The following ZNF66 variants were observed in gnomAD, a reference collection of about 807,000 sequenced individuals.
The protein encoded by ZNF66 is putative zinc finger protein 66.
A neutral mutation model predicts 35.2 loss-of-function variants in ZNF66; 32 were observed. The observed-to-expected ratio is 0.91, with a 90% confidence interval of 0.69 to 1.22. ZNF66 has a LOEUF of 1.22. ZNF66 is among the 50% of genes most tolerant of loss of function. The pLI, the probability that ZNF66 is intolerant of heterozygous loss-of-function variation, is 0.00. For synonymous variants in ZNF66, 231 were observed against 181.3 expected (o/e 1.27, Z -2.20); for missense variants, 666 against 543.1 (o/e 1.23, Z -2.25).
intron 2 of ZNF66, among the ~76,000 whole-genome samples, chr19:20,793,450 G>A (rs1286937414): frequency 6.7e-6 from 1 of 149,736 alleles, no homozygotes; most frequent in Non-Finnish European, 1.5e-5. Flanking sequence ...AGCCTCCCGA[G>A]TATGTGGGAC....
intron 1 of ZNF66, 112 bp downstream of exon 1, chr19:20,776,562 GC>G: frequency 1.5e-6 from 2 of 1,357,898 alleles, no homozygotes; most frequent in Non-Finnish European, 2.1e-6. Context: ...ACCCAGCTCT[GC>G]CTCAGTCCCA....
chr19:20,787,319 C>CT (rs200883255), intron 1 of ZNF66, among the ~76,000 whole-genome samples: 9 of 151,984 alleles, frequency 5.9e-5, no homozygotes, highest in Non-Finnish European at 1.5e-5. Flanking sequence ...TTGTGTCAGC[C>CT]TTTTTTAATA....
intron 1 of ZNF66, among the ~76,000 whole-genome samples, chr19:20,780,973 G>A (rs1971240480): frequency 6.6e-6 from 1 of 152,080 alleles, no homozygotes; most frequent in Admixed American, 6.6e-5. Flanking sequence ...CTTCACCACA[G>A]CATTTTTGAC....
chr19:20,796,223 C>T (rs561378869), intron 3 of ZNF66, among the ~76,000 whole-genome samples: 10,325 of 141,602 alleles, frequency 0.073, 438 homozygotes, highest in Middle Eastern at 0.11. Context: ...AGATGGCTGA[C>T]TTTTTTTTTT....
intron 3 of ZNF66, among the ~76,000 whole-genome samples, chr19:20,798,216 AT>A (rs945189168): frequency 3.9e-5 from 6 of 151,970 alleles, no homozygotes; most frequent in African/African-American, 7.3e-5. Context: ...TTTCAAAAAA[AT>A]ATGTAATTTT....
At chr19:20,796,595 A>G (rs891978302) in intron 3 of ZNF66, among the ~76,000 whole-genome samples, 1 of 152,188 alleles carries the variant, frequency 6.6e-6, no homozygotes, top group African/African-American at 2.4e-5. Context: ...TTTAAATTTA[A>G]CAATGTAAGG....
At chr19:20,789,231 A>G (rs1217212036) in intron 1 of ZNF66, among the ~76,000 whole-genome samples, 4 of 152,178 alleles carry the variant, frequency 2.6e-5, no homozygotes, top group African/African-American at 2.4e-5. Flanking sequence ...CTGCAGTGGC[A>G]TAGAGGGAAG....
At position 20,797,408 on chromosome 19, in the gene ZNF66, G is replaced by A. The variant is rs1168072744; in HGVS notation, c.226+3530G>A. Among the ~76,000 whole-genome samples the A allele has an allele frequency of 1.3e-4, 16 of 125,792 alleles. 1 individual carries two copies. The highest frequency in any genetic ancestry group is 8.2e-4 in the East Asian group (4 of 4,870). 82.5% of individuals were successfully genotyped at this position (125,792 alleles called of 152,430 possible). ...TTTTTAGTAGAGACGGGGTTTCACC[G>A]TGTTAGCCAGGATGGTCTCGATCTC... On this transcript the variant is annotated intron_variant, in intron 3 of 3. Coordinates refer to ENST00000344519, the MANE Select transcript of ZNF66 (RefSeq NM_001355197.2).
rs1971570041 is a variant in ZNF66 at position 20,809,734 on chromosome 19, A to T, written c.*2412A>T. ...CCAGCCGCTGCAAAATCATGCCAAAATGTAAAGACCATCGAGACTAGGAAG... is the reference window on the plus strand; with the variant it reads ...CCAGCCGCTGCAAAATCATGCCAAATTGTAAAGACCATCGAGACTAGGAAG... On this transcript the variant is annotated 3_prime_UTR_variant, in exon 4 of 4. Coordinates refer to ENST00000344519, the MANE Select transcript of ZNF66 (RefSeq NM_001355197.2). Among the ~76,000 whole-genome samples, 2 of 152,164 alleles carry T rather than the reference A, an allele frequency of 1.3e-5. No homozygotes were observed. Among genetic ancestry groups the T allele is most frequent in the African/African-American group, 4.8e-5 (2 of 41,456 alleles).
intron 1 of ZNF66, among the ~76,000 whole-genome samples, chr19:20,783,025 G>C (rs949841569): frequency 6.6e-6 from 1 of 152,018 alleles, no homozygotes; most frequent in African/African-American, 2.4e-5. Context: ...GTTGATTTTT[G>C]TATATGGTGT....
intron 1 of ZNF66, among the ~76,000 whole-genome samples, chr19:20,776,840 C>T (rs73543372): frequency 0.013 from 2,016 of 152,162 alleles, 42 homozygotes; most frequent in African/African-American, 0.046. Context: ...TGGGGCCGGG[C>T]GCGGTCGTTC....
At chr19:20,781,513 C>CT (rs113379208) in intron 1 of ZNF66, among the ~76,000 whole-genome samples, 14,083 of 145,594 alleles carry the variant, frequency 0.097, 698 homozygotes, top group Middle Eastern at 0.12. Context: ...ATTATTTTAT[C>CT]TTTTTTTTTT....
At chr19:20,805,126 T>TGTGAGAGAGAGAGAGA (rs752355466) in intron 3 of ZNF66, among the ~76,000 whole-genome samples, 16 of 146,082 alleles carry the variant, frequency 1.1e-4, no homozygotes, top group South Asian at 2.2e-4. Flanking sequence ...TGTGTGTGTG[T>TGTGAGAGAGAGAGAGA]GAGAGAGAGA....
In ZNF66 at chr19:20,806,362, GA is replaced by G; in HGVS notation, c.765del (p.Lys255AsnfsTer51). 2 of 1,569,950 alleles carry G rather than the reference GA, an allele frequency of 1.3e-6. No individual in the cohort carries two copies. The highest frequency in any genetic ancestry group is 1.1e-5 in the South Asian group (1 of 90,092). ...CACATAAGAAAATTCATACTGGAGAGAAACCCTACAAATGTGAAGAATGTGG... is the reference window on the plus strand; with the variant it reads ...CACATAAGAAAATTCATACTGGAGAGAACCCTACAAATGTGAAGAATGTGG... ...TTHKKIHTGE[K>X]PYKCEECGKA... is the part of the protein sequence containing the mutation. On this transcript the variant is annotated frameshift_variant, in exon 4 of 4. Coordinates refer to ENST00000344519, the MANE Select transcript of ZNF66 (RefSeq NM_001355197.2). LOFTEE classifies it high-confidence loss of function.
intron 3 of ZNF66, among the ~76,000 whole-genome samples, chr19:20,803,402 A>G (rs1371184121): frequency 1.3e-5 from 2 of 150,892 alleles, no homozygotes; most frequent in African/African-American, 4.9e-5. Flanking sequence ...ACCTTCTGGG[A>G]TTACATAAAA....
At chr19:20,798,116 C>T (rs1419156471) in intron 3 of ZNF66, among the ~76,000 whole-genome samples, 1 of 151,928 alleles carries the variant, frequency 6.6e-6, no homozygotes. Flanking sequence ...TAAGTAAGTA[C>T]TCATGGGGAT....
Position 20,806,191 on chromosome 19 carries a change from A to G in ZNF66, c.591A>G (p.Gly197=), listed in dbSNP as rs781107949. ...CTACACATAAGAAAATTCATACTGG[A>G]GAGAAACCCTATAAATGTATAGAAT... ...TFTTHKKIHT[G]EKPYKCIECG... is the part of the protein sequence containing the mutation. The change falls in exon 4 of 4, where the codon GGA becomes GGG. Residue 197 remains glycine, a synonymous_variant. Transcript: ENST00000344519. The G allele has an allele frequency of 2.2e-5, 29 of 1,330,124 alleles. No homozygotes were observed. The highest frequency in any genetic ancestry group is 3.1e-5 in the Non-Finnish European group (29 of 922,774). 82.4% of individuals were successfully genotyped at this position (1,330,124 alleles called of 1,614,324 possible). A position where few individuals can be genotyped will look rare whatever the true frequency, so the allele number is the denominator to read the frequency against.
At position 20,806,042 on chromosome 19, in the gene ZNF66, G is replaced by A. The variant is rs1164124212; in HGVS notation, c.442G>A (p.Asp148Asn). The change falls in exon 4 of 4, where the codon GAT becomes AAT. Residue 148 changes from aspartate (D) to asparagine (N), a missense_variant. Asp to Asn is a conservative substitution (Grantham distance 23). Transcript: ENST00000344519. ...TACCCAAAGCAAAATGTTTCAATGT[G>A]ATAAACATGGGAAAGTCTTTCATCA... ...TTTQSKMFQC[D>N]KHGKVFHQFS... 3 of 834,268 alleles carry A rather than the reference G, an allele frequency of 3.6e-6. No individual in the cohort carries two copies. Among genetic ancestry groups the A allele is most frequent in the Non-Finnish European group, 6.2e-6 (3 of 486,610 alleles). 51.7% of individuals were successfully genotyped at this position (834,268 alleles called of 1,614,324 possible). A position where few individuals can be genotyped will look rare whatever the true frequency, so the allele number is the denominator to read the frequency against.
rs555234838 is a variant in ZNF66, at chr19:20,797,588, G to A, written c.226+3710G>A. Among the ~76,000 whole-genome samples the A allele has an allele frequency of 2.0e-5, 3 of 149,266 alleles. No homozygotes were observed. In the South Asian group the frequency reaches 6.4e-4, roughly 32 times the overall value. On this transcript the variant is annotated intron_variant, in intron 3 of 3. Coordinates refer to ENST00000344519, the MANE Select transcript of ZNF66 (RefSeq NM_001355197.2). Reference sequence around the variant, plus strand: ...GTGTAGGTTTTTTTTTTTTGGGATGGAGTCTTGCTCTGTCACCCAGGCTGG... The same window carrying A: ...GTGTAGGTTTTTTTTTTTTGGGATGAAGTCTTGCTCTGTCACCCAGGCTGG...
Sources: allele counts gnomAD v4.1 joint callset (sites outside exome capture counted in the v4.1 genomes callset), GRCh38; gene constraint gnomAD v4.1.1; transcripts MANE v1.5; gene names NCBI Gene and HGNC (gene_info 2026-07-23, HGNC 2026-07-21).